Variants in ECM2 observed in about 807,000 individuals in gnomAD.
ECM2 encodes extracellular matrix protein 2.
A neutral mutation model predicts 67.5 loss-of-function variants in ECM2; 57 were observed. The ratio of observed to expected loss-of-function variants is 0.84; its 90% confidence interval spans 0.68 to 1.05. ECM2 has a LOEUF of 1.05. ECM2 is among the 50% of genes least tolerant of loss of function. The pLI, the probability that ECM2 is intolerant of heterozygous loss-of-function variation, is 0.00. For missense variants in ECM2, 741 were observed against 822.8 expected, an observed-to-expected ratio of 0.90 and a Z score of 1.22; for synonymous variants, 258 against 294.5, an observed-to-expected ratio of 0.88 and a Z score of 1.27.
At chr9:92,530,158 C>G (rs1177698539) in intron 1 of ECM2, among the ~76,000 whole-genome samples, 4 of 152,044 alleles carry the variant, frequency 2.6e-5, no homozygotes, top group Non-Finnish European at 5.9e-5. Context: ...TTGAGGGATC[C>G]TGGAACCAGT....
chr9:92,533,605 A>C (rs1197530510), intron 1 of ECM2, among the ~76,000 whole-genome samples: 1 of 151,794 alleles, frequency 6.6e-6, no homozygotes, highest in Non-Finnish European at 1.5e-5. Flanking sequence ...CAGCAGGTCT[A>C]ATGATCTGAC....
downstream of ECM2, chr9:92,494,232 A>G: frequency 7.0e-7 from 1 of 1,429,930 alleles, no homozygotes; most frequent in Non-Finnish European, 9.6e-7. Flanking sequence ...AGTTCTGCTG[A>G]CTCACCTTAT....
In ECM2 at chr9:92,500,916, G is replaced by A; in HGVS notation, c.1742C>T (p.Pro581Leu). The stretch of plus-strand genomic sequence containing the variant: ...TGACAGGTACAAGTATTCCAGGCCT[G>A]GTTCCATGTGGCCAAACACATAGCC... ...IPGYVFGHME[P>L]GLEYLYLSFN... Residue 581 changes from proline (P) to leucine (L), a missense_variant, in exon 9 of 10, where the codon CCA (proline) becomes CTA (leucine). Physicochemically the swap from Pro to Leu is moderately conservative, Grantham distance 98. Coordinates refer to ENST00000344604, the MANE Select transcript of ECM2 (RefSeq NM_001393.4). 6.2e-7 allele frequency: 1 copy of A among 1,614,160 alleles called. No homozygotes were observed. Among genetic ancestry groups the A allele is most frequent in the Non-Finnish European group, 8.5e-7 (1 of 1,180,034 alleles).
At chr9:92,517,649 A>G (rs1445867579) in intron 3 of ECM2, 38 bp downstream of exon 3, 2 of 1,611,792 alleles carry the variant, frequency 1.2e-6, no homozygotes, top group Admixed American at 3.3e-5. Flanking sequence ...TTAAAGATTA[A>G]TCACACACTG....
chr9:92,557,540 T>C, the ECM2 span, among the ~76,000 whole-genome samples: 1 of 152,234 alleles, frequency 6.6e-6, no homozygotes, highest in Admixed American at 6.5e-5. Flanking sequence ...TTCTCTGTCT[T>C]TGTTGGACTG....
chr9:92,541,172 T>A (rs1284722875), upstream of ECM2, among the ~76,000 whole-genome samples: 1 of 151,738 alleles, frequency 6.6e-6, no homozygotes, highest in Non-Finnish European at 1.5e-5. Flanking sequence ...GGCAGGACAA[T>A]CACTTGAACC....
At chr9:92,512,155 C>A in intron 4 of ECM2, 29 bp from the exon 5 acceptor site, 1 of 1,508,748 alleles carries the variant, frequency 6.6e-7, no homozygotes, top group Non-Finnish European at 9.2e-7. Context: ...ATGTTTTAGG[C>A]ATGTGTGCAT....
chr9:92,529,901 TCAAC>T (rs1411430328), intron 1 of ECM2, among the ~76,000 whole-genome samples: 1 of 152,220 alleles, frequency 6.6e-6, no homozygotes, highest in East Asian at 1.9e-4. Context: ...ATCTGTGGAT[TCAAC>T]CAACCATGAG....
upstream of ECM2, among the ~76,000 whole-genome samples, chr9:92,540,658 C>CTG (rs1849297621): frequency 6.6e-6 from 1 of 151,614 alleles, no homozygotes; most frequent in Admixed American, 6.6e-5. Context: ...GTAGTCGCAG[C>CTG]TACTCGGGAG....
the ECM2 span, among the ~76,000 whole-genome samples, chr9:92,558,404 G>T: frequency 6.6e-6 from 1 of 152,106 alleles, no homozygotes; most frequent in East Asian, 1.9e-4. Context: ...AGTGATTATT[G>T]TCTTTCTTCT....
Position 92,500,707 on chromosome 9 carries a change from T to C in ECM2, c.1931+20A>G. On this transcript the variant is annotated intron_variant, in intron 9 of 9. Coordinates refer to ENST00000344604, the MANE Select transcript of ECM2 (RefSeq NM_001393.4). Reference sequence around the variant, plus strand: ...TGCCAACCAAAATTTAAACAGATACTTGAAAAAGCCAAAATTTACCGTATC... The same window carrying C: ...TGCCAACCAAAATTTAAACAGATACCTGAAAAAGCCAAAATTTACCGTATC... 6.3e-7 allele frequency: 1 copy of C among 1,592,086 alleles called. No individual in the cohort carries two copies. Among genetic ancestry groups the C allele is most frequent in the Non-Finnish European group, 8.6e-7 (1 of 1,167,580 alleles).
At chr9:92,549,063 A>C in the ECM2 span, among the ~76,000 whole-genome samples, 3 of 152,224 alleles carry the variant, frequency 2.0e-5, no homozygotes. Context: ...ACAGTGGCAC[A>C]GAAAGACAGC....
chr9:92,516,106 C>G lies in ECM2; in HGVS notation c.482-903G>C, dbSNP rs1174667992. ...CGAGACGGAGTCTTGCTCTGTCGCC[C>G]AGGCTGGAATGCAGTGGCATGATCT... On this transcript the variant is annotated intron_variant, in intron 3 of 9. Transcript: ENST00000344604. 2.0e-5 allele frequency among the ~76,000 whole-genome samples: 3 copies of G among 151,462 alleles called. No individual in the cohort carries two copies. The East Asian group carries it at 5.8e-4, about 29-fold the overall frequency.
At chr9:92,503,105 A>G (rs1382451532) in intron 7 of ECM2, among the ~76,000 whole-genome samples, 1 of 152,156 alleles carries the variant, frequency 6.6e-6, no homozygotes, top group Non-Finnish European at 1.5e-5. Context: ...CAAATTTTAT[A>G]ACTAATTAGT....
At position 92,515,150 on chromosome 9, in the gene ECM2, C is replaced by T. The variant is rs1847621696; in HGVS notation, c.535G>A (p.Gly179Ser). 6.2e-7 allele frequency: 1 copy of T among 1,609,568 alleles called. No homozygotes were observed. The highest frequency in any genetic ancestry group is 1.3e-5 in the African/African-American group (1 of 74,530). ...GGTTCTCTTTGTTCTGAAGAATCAC[C>T]AGAAAATTCATTTCTATCATTTAAT... is the stretch of plus-strand genomic sequence containing the variant. ...IALNDRNEFS[G>S]DSSEQREPTN... Residue 179 changes from glycine (G) to serine (S), a missense_variant, in exon 4 of 10, where the codon GGT becomes AGT. By Grantham distance (56) the Gly-to-Ser change is moderately conservative. Coordinates refer to ENST00000344604, the MANE Select transcript of ECM2 (RefSeq NM_001393.4).
At chr9:92,546,518 C>G in the ECM2 span, among the ~76,000 whole-genome samples, 2 of 152,096 alleles carry the variant, frequency 1.3e-5, no homozygotes, top group African/African-American at 4.8e-5. Context: ...AGACGCACCG[C>G]CTTAAGAGCT....
chr9:92,529,553 C>T (rs1848621748), intron 1 of ECM2, among the ~76,000 whole-genome samples: 1 of 152,132 alleles, frequency 6.6e-6, no homozygotes, highest in South Asian at 2.1e-4. Flanking sequence ...TTAGAAGCAA[C>T]CAACATGTTC....
chr9:92,536,274 CTTGA>C (rs1374749302), upstream of ECM2, among the ~76,000 whole-genome samples: 2 of 151,944 alleles, frequency 1.3e-5, no homozygotes, highest in African/African-American at 2.4e-5. Flanking sequence ...CAAAAATGAG[CTTGA>C]TTAAGAAATC....
chr9:92,515,203 A>G lies in ECM2; in HGVS notation c.482T>C (p.Val161Ala). 6.4e-7 allele frequency: 1 copy of G among 1,552,504 alleles called. No individual in the cohort carries two copies. The highest frequency in any genetic ancestry group is 1.4e-5 in the African/African-American group (1 of 72,522). ...GECCPVCSAT[V>A]SYSLLSGIAL... ...TATACCACTGAGTAGAGAATAGGAG[A>G]CTAATGACCACGCAAGGATGAGGTA... The change falls in exon 4 of 10, where the codon GTC becomes GCC. Residue 161 changes from valine (V) to alanine (A), a missense_variant and splice_region_variant. Transcript: ENST00000344604.
Sources: gnomAD v4.1 joint callset for allele counts (sites outside exome capture counted in the v4.1 genomes callset) on GRCh38, gnomAD v4.1.1 for gene constraint, MANE v1.5 for transcripts, NCBI Gene and HGNC (gene_info 2026-07-23, HGNC 2026-07-21) for gene names.